TEX14: variants seen among roughly 807,000 people sequenced by gnomAD.
TEX14 encodes testis expressed 14, intercellular bridge forming factor.
In TEX14, 168 loss-of-function variants were observed where a neutral mutation model predicts 178.6. That is an observed-to-expected ratio of 0.94 (90% CI 0.83 to 1.07). The LOEUF (loss-of-function observed/expected upper bound fraction) is 1.07, where lower values mean the gene tolerates loss of function less well. Ranked by LOEUF, TEX14 falls within the 50% of genes least tolerant of loss-of-function variation. The pLI is 0.00. For missense variants in TEX14, 1,730 were observed against 1,753.6 expected, an observed-to-expected ratio of 0.99 and a Z score of 0.24; for synonymous variants, 626 against 634.1, an observed-to-expected ratio of 0.99 and a Z score of 0.19.
intron 2 of TEX14, 63 bp from the exon 3 acceptor site, chr17:58,630,617 G>T: frequency 9.0e-7 from 1 of 1,105,330 alleles, no homozygotes; most frequent in Admixed American, 1.8e-5. Context: ...GAACTGGGTA[G>T]GGGGTGGGGG....
chr17:58,624,414 C>T (rs1275459670), intron 3 of TEX14, among the ~76,000 whole-genome samples: 1 of 136,770 alleles, frequency 7.3e-6, no homozygotes, highest in South Asian at 2.4e-4. Flanking sequence ...GATCTCGGCT[C>T]ACTGCAACCT....
intron 1 of TEX14, among the ~76,000 whole-genome samples, chr17:58,653,967 G>A (rs1001069631): frequency 1.3e-5 from 2 of 152,082 alleles, no homozygotes; most frequent in Non-Finnish European, 2.9e-5. Flanking sequence ...GGATCACAAG[G>A]TCAGGAGATT....
intron 21 of TEX14, among the ~76,000 whole-genome samples, chr17:58,576,795 C>T (rs187921353): frequency 5.9e-5 from 9 of 152,242 alleles, no homozygotes; most frequent in Non-Finnish European, 5.9e-5. Context: ...TTTGGGATTG[C>T]TTTTCCTACT....
intron 1 of TEX14, among the ~76,000 whole-genome samples, chr17:58,655,369 A>G (rs2046933404): frequency 1.3e-5 from 2 of 151,838 alleles, no homozygotes; most frequent in African/African-American, 4.8e-5. Flanking sequence ...TTTTTAGTAA[A>G]GATGGGTTCT....
chr17:58,611,664 C>A (rs1192974612), intron 9 of TEX14, among the ~76,000 whole-genome samples: 1 of 152,226 alleles, frequency 6.6e-6, no homozygotes, highest in African/African-American at 2.4e-5. Flanking sequence ...CCCCATACCA[C>A]CAGTAAACCT....
intron 27 of TEX14, 131 bp from the exon 28 acceptor site, chr17:58,565,099 C>T: frequency 6.3e-6 from 3 of 475,560 alleles, no homozygotes. Context: ...CTCCCCTCTT[C>T]CCAGGAGAGC....
chr17:58,660,977 T>C (rs2047096987), intron 1 of TEX14: 2 of 1,165,504 alleles, frequency 1.7e-6, no homozygotes, highest in East Asian at 4.7e-5. Context: ...CTCAATCTCT[T>C]CTAAGCTGAT....
chr17:58,642,780 C>A (rs1251433354), intron 2 of TEX14, among the ~76,000 whole-genome samples: 2 of 152,174 alleles, frequency 1.3e-5, no homozygotes, highest in Non-Finnish European at 2.9e-5. Flanking sequence ...AAACCTCTCA[C>A]CATCCATCCC....
chr17:58,582,936 T>C (rs1016411052), intron 19 of TEX14, among the ~76,000 whole-genome samples: 1 of 151,938 alleles, frequency 6.6e-6, no homozygotes, highest in Non-Finnish European at 1.5e-5. Context: ...CAGGACCTGA[T>C]TACTATGTGG....
intron 1 of TEX14, among the ~76,000 whole-genome samples, chr17:58,654,601 G>A (rs1210778309): frequency 6.6e-6 from 1 of 150,956 alleles, no homozygotes; most frequent in Non-Finnish European, 1.5e-5. Flanking sequence ...CCACCTCCTG[G>A]GTTCAAACGA....
At position 58,585,965 on chromosome 17, in the gene TEX14, A is replaced by T. The variant is rs113746422; in HGVS notation, c.2906T>A (p.Leu969Gln). The change falls in exon 18 of 32, where the codon CTG becomes CAG. Residue 969 changes from leucine (L) to glutamine (Q), a missense_variant. This residue lies in a region of TEX14 where 941 missense variants were observed against 1,072.4 expected (regional missense o/e 0.88). Coordinates refer to ENST00000349033, the MANE Select transcript of TEX14 (RefSeq NM_031272.5). ...TTCTGGGCTCCTAATGGGGGGCTGC[A>T]GCAGGGCGTCGGGCTCATTTTCAGC... ...SEAENEPDAL[L>Q]QPPIRSPENT... 2 of 1,614,092 alleles carry T rather than the reference A, an allele frequency of 1.2e-6. No individual in the cohort carries two copies. The highest frequency in any genetic ancestry group is 1.3e-5 in the African/African-American group (1 of 74,998).
At chr17:58,607,156 A>G (rs1052773909) in intron 10 of TEX14, among the ~76,000 whole-genome samples, 3 of 152,160 alleles carry the variant, frequency 2.0e-5, no homozygotes, top group Non-Finnish European at 4.4e-5. Context: ...CCAAAAATAA[A>G]TGTGGGATTG....
intron 25 of TEX14, 134 bp downstream of exon 25, chr17:58,570,251 G>A (rs1357594899): frequency 6.0e-6 from 3 of 499,164 alleles, no homozygotes; most frequent in Non-Finnish European, 3.4e-6. Context: ...TTCCTACAAT[G>A]AGTGTGTTTT....
intron 1 of TEX14, among the ~76,000 whole-genome samples, chr17:58,685,365 G>A (rs913505682): frequency 6.6e-6 from 1 of 150,930 alleles, no homozygotes; most frequent in African/African-American, 2.4e-5. Flanking sequence ...GAACGTGGGA[G>A]GTGGAGGTTG....
intron 2 of TEX14, among the ~76,000 whole-genome samples, chr17:58,637,547 A>C (rs750904822): frequency 1.2e-4 from 18 of 152,218 alleles, no homozygotes; most frequent in Non-Finnish European, 2.5e-4. Flanking sequence ...TGAAGTTTCC[A>C]TAAAAACCCA....
In TEX14 at chr17:58,574,184, T is replaced by C. The variant is rs768330881; in HGVS notation, c.3383+3A>G. The C allele has an allele frequency of 3.2e-5, 52 of 1,611,052 alleles. No individual in the cohort carries two copies. The South Asian group carries it at 5.4e-4, about 17-fold the overall frequency. The stretch of plus-strand genomic sequence containing the variant: ...CCCTAGGCATTCTCTTTGGTGATCA[T>C]ACATGTCTTTCTCTTTCAGTTCCTT... On this transcript the variant is annotated splice_donor_region_variant and intron_variant, in intron 22 of 31. Coordinates refer to ENST00000349033, the MANE Select transcript of TEX14 (RefSeq NM_031272.5).
rs1200748158 is a variant in TEX14 at position 58,622,840 on chromosome 17, C to T, written c.417+7G>A. On this transcript the variant is annotated splice_region_variant and intron_variant, in intron 4 of 31. Coordinates refer to ENST00000349033, the MANE Select transcript of TEX14 (RefSeq NM_031272.5). The stretch of plus-strand genomic sequence containing the variant: ...GGGCATGGCTACAGAGTGGGACCCA[C>T]CCTTACCTGGGTGCTACGCTCCTTT... 4 of 1,603,534 alleles carry T rather than the reference C, an allele frequency of 2.5e-6. No homozygotes were observed. Among genetic ancestry groups the T allele is most frequent in the Non-Finnish European group, 3.4e-6 (4 of 1,172,466 alleles).
intron 1 of TEX14, among the ~76,000 whole-genome samples, chr17:58,684,683 A>G (rs1382176224): frequency 6.6e-6 from 1 of 151,096 alleles, no homozygotes; most frequent in Non-Finnish European, 1.5e-5. Context: ...ATAAATAAAA[A>G]GCTTTCTTCC....
intron 1 of TEX14, chr17:58,666,752 C>G (rs942379390): frequency 6.6e-6 from 1 of 152,174 alleles, no homozygotes; most frequent in Non-Finnish European, 1.5e-5. Flanking sequence ...ATTGCAAGTG[C>G]GGGTAACTCC....
Sources: allele counts gnomAD v4.1 joint callset (sites outside exome capture counted in the v4.1 genomes callset), GRCh38; gene constraint gnomAD v4.1.1; regional missense constraint gnomAD v4.1.1; transcripts MANE v1.5; gene names NCBI Gene and HGNC (gene_info 2026-07-23, HGNC 2026-07-21).